The following DAB1 variants were observed in gnomAD, a reference collection of about 807,000 sequenced individuals.
DAB1 encodes the protein disabled homolog 1.
Under a neutral mutation model 64.6 loss-of-function variants are expected in DAB1, and 15 were observed. The observed-to-expected ratio is 0.23, with a 90% CI of 0.16 to 0.36. The LOEUF (loss-of-function observed/expected upper bound fraction) is 0.36, where lower values mean the gene tolerates loss of function less well. Among genes scored for constraint, DAB1 ranks in the 10% least tolerant of loss-of-function variants. The pLI is 1.00. For missense variants in DAB1, 596 were observed against 706.7 expected (o/e 0.84, Z 1.78); for synonymous variants, 235 against 251.9 (o/e 0.93, Z 0.64).
intron 12 of DAB1, among the ~76,000 whole-genome samples, chr1:57,013,757 T>A (rs912673259): frequency 6.6e-6 from 1 of 152,194 alleles, no homozygotes; most frequent in Non-Finnish European, 1.5e-5. Context: ...GGCTGAGTCA[T>A]CAGAACACCT....
At chr1:57,160,507 C>T (rs577611766) in intron 2 of DAB1, among the ~76,000 whole-genome samples, 4 of 152,286 alleles carry the variant, frequency 2.6e-5, no homozygotes, top group South Asian at 2.1e-4. Context: ...CAGGGAAAGG[C>T]CAGATCTGAA....
At chr1:57,918,225 T>C (rs1367745017) in intron 5 of DAB1, among the ~76,000 whole-genome samples, 1 of 152,146 alleles carries the variant, frequency 6.6e-6, no homozygotes, top group African/African-American at 2.4e-5. Flanking sequence ...CAAATAGGCA[T>C]GGCTGTAATC....
At chr1:58,423,013 C>G (rs1644787151) in intron 3 of DAB1, among the ~76,000 whole-genome samples, 1 of 152,094 alleles carries the variant, frequency 6.6e-6, no homozygotes, top group South Asian at 2.1e-4. Context: ...GAAAAGCACA[C>G]TAGAAGGAAG....
intron 3 of DAB1, among the ~76,000 whole-genome samples, chr1:58,355,274 C>T (rs576435591): frequency 2.0e-5 from 3 of 152,180 alleles, no homozygotes; most frequent in Non-Finnish European, 4.4e-5. Context: ...TGTAAAGTGG[C>T]ACAGCTTTGT....
chr1:57,000,247 T>C (rs2101617800), intron 14 of DAB1, among the ~76,000 whole-genome samples: 1 of 152,174 alleles, frequency 6.6e-6, no homozygotes, highest in African/African-American at 2.4e-5. Flanking sequence ...GGTTTCACTG[T>C]GTCAGCCAGG....
In DAB1 at chr1:58,093,850, G is replaced by A. The variant is rs748936536; in HGVS notation, n.387+56661C>T. On this transcript the variant is annotated intron_variant and non_coding_transcript_variant, in intron 5 of 20. Transcript: ENST00000485760. ...GCTCCTGGCACAGGGAGAAGACTACGGAGCACTGGGGAACCCTCTCCTGGC... is the reference window on the plus strand; with the variant it reads ...GCTCCTGGCACAGGGAGAAGACTACAGAGCACTGGGGAACCCTCTCCTGGC... Among the ~76,000 whole-genome samples, 78 of 152,238 alleles carry A rather than the reference G, an allele frequency of 5.1e-4. 1 individual carries two copies. The highest frequency in any genetic ancestry group is 6.8e-3 in the Middle Eastern group (2 of 294).
intron 3 of DAB1, among the ~76,000 whole-genome samples, chr1:58,400,595 T>G (rs966228653): frequency 2.6e-5 from 4 of 152,174 alleles, no homozygotes; most frequent in African/African-American, 9.7e-5. Context: ...AAGAAATGTA[T>G]TTACGGCGCT....
At chr1:57,989,523 C>A (rs1025474515) in intron 5 of DAB1, among the ~76,000 whole-genome samples, 1 of 152,134 alleles carries the variant, frequency 6.6e-6, no homozygotes, top group Non-Finnish European at 1.5e-5. Flanking sequence ...CATGAAGATG[C>A]CCTCACCCCT....
chr1:57,037,628 T>C (rs572334729), intron 9 of DAB1, among the ~76,000 whole-genome samples: 1 of 152,382 alleles, frequency 6.6e-6, no homozygotes, highest in African/African-American at 2.4e-5. Flanking sequence ...TGAATGCATG[T>C]TACATTTCCC....
intron 7 of DAB1, 62 bp from the exon 8 acceptor site, chr1:57,069,487 C>T: frequency 1.4e-6 from 2 of 1,403,740 alleles, no homozygotes; most frequent in Non-Finnish European, 1.0e-6. Context: ...GTAAAACAAG[C>T]ATTTGGAAAT....
intron 4 of DAB1, among the ~76,000 whole-genome samples, chr1:58,208,225 G>A (rs1382215671): frequency 6.6e-6 from 1 of 152,166 alleles, no homozygotes; most frequent in Non-Finnish European, 1.5e-5. Flanking sequence ...AACCATATCA[G>A]TAGTGGAATT....
chr1:58,505,021 C>T (rs1458670383), intron 3 of DAB1, among the ~76,000 whole-genome samples: 2 of 152,012 alleles, frequency 1.3e-5, no homozygotes, highest in Non-Finnish European at 2.9e-5. Context: ...GGCACGATCT[C>T]GGCTCACTAC....
chr1:57,193,675 C>T (rs1664370976), intron 2 of DAB1, among the ~76,000 whole-genome samples: 1 of 152,084 alleles, frequency 6.6e-6, no homozygotes, highest in Non-Finnish European at 1.5e-5. Context: ...TTGAGCCATG[C>T]ATATGTATTT....
intron 1 of DAB1, among the ~76,000 whole-genome samples, chr1:57,400,312 T>C (rs1336652636): frequency 1.3e-5 from 2 of 152,148 alleles, no homozygotes; most frequent in East Asian, 3.8e-4. Flanking sequence ...AAAGGTTCAG[T>C]CTATGAAGTT....
intron 2 of DAB1, among the ~76,000 whole-genome samples, chr1:57,238,852 C>CACAT (rs1553159607): frequency 2.3e-4 from 33 of 141,670 alleles, no homozygotes; most frequent in South Asian, 9.5e-4. Context: ...CACACACACA[C>CACAT]ACACACATAC....
chr1:58,182,770 T>C (rs1182376754), intron 4 of DAB1, among the ~76,000 whole-genome samples: 1 of 152,080 alleles, frequency 6.6e-6, no homozygotes, highest in Non-Finnish European at 1.5e-5. Flanking sequence ...TTGAAGTCTT[T>C]TTCTGCGAAG....
rs74519353 is a variant in DAB1, at chr1:58,408,553, T to C, written n.258-65150A>G. On this transcript the variant is annotated intron_variant and non_coding_transcript_variant, in intron 3 of 20. Transcript: ENST00000485760. Reference sequence around the variant, plus strand: ...GTCTGTCAAAATGTGTATTAAGTGATTGAATAAGTGGAAGATCTGATTGGT... The same window carrying C: ...GTCTGTCAAAATGTGTATTAAGTGACTGAATAAGTGGAAGATCTGATTGGT... Among the ~76,000 whole-genome samples the C allele has an allele frequency of 1.1e-3, 165 of 152,258 alleles. 4 individuals are homozygous for C. In the East Asian group the frequency reaches 0.012, roughly 11 times the overall value.
At chr1:57,482,728 T>C (rs1025381393) in intron 7 of DAB1, among the ~76,000 whole-genome samples, 1 of 152,208 alleles carries the variant, frequency 6.6e-6, no homozygotes, top group African/African-American at 2.4e-5. Context: ...TTCACCCCAA[T>C]ATTTAATGAG....
chr1:58,119,226 G>A (rs1037023544), intron 5 of DAB1, among the ~76,000 whole-genome samples: 3 of 7,350 alleles, frequency 4.1e-4, no homozygotes, highest in Non-Finnish European at 1.2e-3. Flanking sequence ...GTGTGTGTGC[G>A]TGTGTGTGTG....
Sources: allele counts gnomAD v4.1 joint callset (sites outside exome capture counted in the v4.1 genomes callset), GRCh38; gene constraint gnomAD v4.1.1; transcripts MANE v1.5; gene names NCBI Gene and HGNC (gene_info 2026-07-23, HGNC 2026-07-21).